The following PUS10 variants were observed in gnomAD, a reference collection of about 807,000 sequenced individuals.
The protein encoded by PUS10 is pseudouridine synthase 10.
PUS10 carries 59 observed loss-of-function variants against 75.0 expected under a neutral mutation model. That is an observed-to-expected ratio of 0.79 (90% CI 0.64 to 0.98). PUS10 has a LOEUF of 0.98. Among genes scored for constraint, PUS10 ranks in the 50% least tolerant of loss-of-function variants. The pLI, the probability that PUS10 is intolerant of heterozygous loss-of-function variation, is 0.00. For synonymous variants in PUS10, 219 were observed against 211.6 expected (o/e 1.03, Z -0.30); for missense variants, 650 against 614.4 (o/e 1.06, Z -0.61).
intron 14 of PUS10, 54 bp from the exon 15 acceptor site, chr2:60,953,168 C>A (rs1483013006): frequency 1.0e-6 from 1 of 981,158 alleles, no homozygotes; most frequent in Non-Finnish European, 1.6e-6. Context: ...TACAAAAAAA[C>A]CTTGCCCTGA....
intron 17 of PUS10, chr2:60,944,381 T>C (rs867400882): frequency 2.0e-4 from 50 of 245,970 alleles, no homozygotes; most frequent in African/African-American, 1.1e-3. Context: ...TTGATATTAT[T>C]CCCAAGTACA....
At chr2:60,975,818 G>A (rs889597292) in intron 4 of PUS10, among the ~76,000 whole-genome samples, 3 of 151,670 alleles carry the variant, frequency 2.0e-5, no homozygotes, top group Non-Finnish European at 4.4e-5. Context: ...CTGGAGTGCT[G>A]TAGCACGATC....
At chr2:60,977,870 G>A (rs1039965877) in intron 4 of PUS10, among the ~76,000 whole-genome samples, 1 of 152,058 alleles carries the variant, frequency 6.6e-6, no homozygotes, top group Non-Finnish European at 1.5e-5. Flanking sequence ...TTATTTAGGG[G>A]GTACTGCCTA....
chr2:60,974,950 T>A (rs1281057086), intron 4 of PUS10, among the ~76,000 whole-genome samples: 2 of 152,208 alleles, frequency 1.3e-5, no homozygotes, highest in Admixed American at 6.5e-5. Context: ...CCACAGAGGT[T>A]TCCAGCTGGC....
intron 15 of PUS10, among the ~76,000 whole-genome samples, chr2:60,950,883 G>C (rs1253324145): frequency 6.6e-6 from 1 of 152,032 alleles, no homozygotes; most frequent in East Asian, 1.9e-4. Context: ...ATTTCTACAG[G>C]ACAGTTCAGT....
chr2:61,003,568 AG>A (rs1678998422), intron 4 of PUS10, among the ~76,000 whole-genome samples: 1 of 150,050 alleles, frequency 6.7e-6, no homozygotes. Flanking sequence ...TTTTTGAGAC[AG>A]GGTCTTGCCC....
chr2:61,017,726 G>A, intron 1 of PUS10: 1 of 1,529,738 alleles, frequency 6.5e-7, no homozygotes, highest in Non-Finnish European at 8.9e-7. Context: ...GGACAGTCAG[G>A]GGTAGGAGCG....
rs1175610326 is a variant in PUS10, at chr2:61,018,153, C to G, written c.-161G>C. On this transcript the variant is annotated 5_prime_UTR_variant, in exon 1 of 18. Transcript: ENST00000316752. ...TTCCTACCTACCGCTTCTGTTTTCA[C>G]TTTGACAGAATGGCTTCTCTATCTT... 1.9e-6 allele frequency: 3 copies of G among 1,550,574 alleles called. No individual in the cohort carries two copies. The highest frequency in any genetic ancestry group is 2.7e-5 in the African/African-American group (2 of 73,020).
At chr2:60,987,694 G>A (rs572915260) in intron 4 of PUS10, among the ~76,000 whole-genome samples, 6 of 152,236 alleles carry the variant, frequency 3.9e-5, no homozygotes, top group South Asian at 4.1e-4. Context: ...ATGCTGAAGC[G>A]GGCAGATCAC....
chr2:60,965,303 C>G, intron 7 of PUS10, 120 bp downstream of exon 7: 1 of 1,018,432 alleles, frequency 9.8e-7, no homozygotes, highest in Non-Finnish European at 1.5e-6. Flanking sequence ...ACATTTTAAA[C>G]CTACTAAGAC....
At chr2:60,953,814 A>G in intron 14 of PUS10, 119 bp downstream of exon 14, 2 of 739,176 alleles carry the variant, frequency 2.7e-6, no homozygotes, top group Non-Finnish European at 4.7e-6. Flanking sequence ...TCATTTCCCC[A>G]TTTGTAGTTG....
intron 17 of PUS10, among the ~76,000 whole-genome samples, 189 bp downstream of exon 17, chr2:60,944,820 T>C (rs1397488126): frequency 6.6e-6 from 1 of 151,988 alleles, no homozygotes; most frequent in East Asian, 1.9e-4. Flanking sequence ...TCAAGGAACA[T>C]AAATGAGACC....
At chr2:60,998,457 C>T (rs868268367) in intron 4 of PUS10, among the ~76,000 whole-genome samples, 2 of 152,044 alleles carry the variant, frequency 1.3e-5, no homozygotes, top group Non-Finnish European at 2.9e-5. Context: ...TTTGGGAGGC[C>T]GAGGCGGACG....
At chr2:60,945,556 C>T (rs1381874668) in intron 16 of PUS10, among the ~76,000 whole-genome samples, 1 of 152,102 alleles carries the variant, frequency 6.6e-6, no homozygotes, top group Non-Finnish European at 1.5e-5. Context: ...GATGGCATTC[C>T]TTGTAACATG....
intron 4 of PUS10, among the ~76,000 whole-genome samples, chr2:60,984,875 A>G (rs1677620757): frequency 6.6e-6 from 1 of 152,210 alleles, no homozygotes; most frequent in African/African-American, 2.4e-5. Flanking sequence ...ATACGTTAAT[A>G]TGTATATAGC....
At chr2:60,973,820 G>A (rs1676849820) in intron 4 of PUS10, among the ~76,000 whole-genome samples, 1 of 152,204 alleles carries the variant, frequency 6.6e-6, no homozygotes, top group African/African-American at 2.4e-5. Flanking sequence ...GGCTGCCCAT[G>A]GACCAATTGG....
At chr2:60,971,468 A>G in intron 5 of PUS10, 55 bp downstream of exon 5, 1 of 1,486,360 alleles carries the variant, frequency 6.7e-7, no homozygotes, top group Non-Finnish European at 9.4e-7. Flanking sequence ...GTGCTTTAAG[A>G]ACCAGGTAGC....
intron 8 of PUS10, among the ~76,000 whole-genome samples, chr2:60,963,990 A>G (rs1481339927): frequency 6.6e-6 from 1 of 152,248 alleles, no homozygotes; most frequent in Admixed American, 6.5e-5. Context: ...CCCAACTGGC[A>G]TAGCAAAGCA....
intron 4 of PUS10, among the ~76,000 whole-genome samples, chr2:61,001,320 A>G (rs1360572968): frequency 6.6e-6 from 1 of 151,130 alleles, no homozygotes; most frequent in Admixed American, 6.6e-5. Context: ...TAGTCTCCCC[A>G]GGCTGGAGTG....
Sources: gnomAD v4.1 joint callset for allele counts (sites outside exome capture counted in the v4.1 genomes callset) on GRCh38, gnomAD v4.1.1 for gene constraint, MANE v1.5 for transcripts, NCBI Gene and HGNC (gene_info 2026-07-23, HGNC 2026-07-21) for gene names.